Variants in ENTREP2 observed in about 807,000 individuals in gnomAD.
The protein encoded by ENTREP2 is protein ENTREP2.
At chr15:29,630,461 T>G in the ENTREP2 span, among the ~76,000 whole-genome samples, 2 of 152,228 alleles carry the variant, frequency 1.3e-5, no homozygotes, top group Non-Finnish European at 2.9e-5. Flanking sequence ...ATGTGGATTC[T>G]TTTGGTTTTA....
At chr15:29,124,055 G>C in the ENTREP2 span, among the ~76,000 whole-genome samples, 1 of 152,040 alleles carries the variant, frequency 6.6e-6, no homozygotes, top group African/African-American at 2.4e-5. Context: ...CTTAAGACCA[G>C]AACTGGGGGT....
At chr15:29,434,837 A>G in the ENTREP2 span, among the ~76,000 whole-genome samples, 1 of 152,184 alleles carries the variant, frequency 6.6e-6, no homozygotes, top group Admixed American at 6.5e-5. Context: ...GTTAAAAACT[A>G]ACATTTCAAA....
At chr15:29,346,750 T>C in the ENTREP2 span, among the ~76,000 whole-genome samples, 5 of 152,188 alleles carry the variant, frequency 3.3e-5, no homozygotes, top group African/African-American at 1.2e-4. Flanking sequence ...CATTATTTAG[T>C]GAGTTTTCTT....
the ENTREP2 span, among the ~76,000 whole-genome samples, chr15:29,631,320 C>A: frequency 6.6e-6 from 1 of 152,146 alleles, no homozygotes; most frequent in Admixed American, 6.5e-5. Flanking sequence ...GCATGACAAG[C>A]GGTCTTTGAT....
the ENTREP2 span, among the ~76,000 whole-genome samples, chr15:29,327,228 A>C: frequency 6.6e-6 from 1 of 152,212 alleles, no homozygotes; most frequent in South Asian, 2.1e-4. Context: ...CATATCTGAT[A>C]AAGAATTTGT....
At chr15:29,284,998 A>T in the ENTREP2 span, among the ~76,000 whole-genome samples, 1 of 152,226 alleles carries the variant, frequency 6.6e-6, no homozygotes, top group East Asian at 1.9e-4. Flanking sequence ...AGGAATAAGG[A>T]GAAGACAAGG....
chr15:29,227,631 C>A, the ENTREP2 span, among the ~76,000 whole-genome samples: 2 of 152,118 alleles, frequency 1.3e-5, no homozygotes, highest in African/African-American at 4.8e-5. Flanking sequence ...CTGCTTCCCC[C>A]ACACCCAGCC....
At chr15:29,160,132 C>T in the ENTREP2 span, among the ~76,000 whole-genome samples, 3 of 152,216 alleles carry the variant, frequency 2.0e-5, no homozygotes, top group Non-Finnish European at 4.4e-5. Context: ...GTGCTAAGCC[C>T]CTCACTGCTC....
the ENTREP2 span, among the ~76,000 whole-genome samples, chr15:29,125,315 G>A: frequency 6.6e-6 from 1 of 152,208 alleles, no homozygotes; most frequent in Non-Finnish European, 1.5e-5. Flanking sequence ...TGTTTCAGAA[G>A]GTTTGACGGG....
the ENTREP2 span, among the ~76,000 whole-genome samples, chr15:29,224,378 G>C: frequency 2.0e-5 from 3 of 152,144 alleles, no homozygotes; most frequent in South Asian, 2.1e-4. Flanking sequence ...TTCCACACTT[G>C]TGGAAGGGAA....
At chr15:29,629,687 A>G in the ENTREP2 span, among the ~76,000 whole-genome samples, 33 of 152,220 alleles carry the variant, frequency 2.2e-4, no homozygotes, top group Non-Finnish European at 3.8e-4. Flanking sequence ...ATATAATTGC[A>G]TAAGGAGAAG....
chr15:29,436,945 C>T, the ENTREP2 span, among the ~76,000 whole-genome samples: 1 of 152,238 alleles, frequency 6.6e-6, no homozygotes, highest in Non-Finnish European at 1.5e-5. Flanking sequence ...TGACCCCTAA[C>T]CTCCTGTCCA....
chr15:29,258,762 C>A, the ENTREP2 span, among the ~76,000 whole-genome samples: 3 of 152,176 alleles, frequency 2.0e-5, no homozygotes, highest in African/African-American at 7.2e-5. Flanking sequence ...TAGCCCCTAG[C>A]AATCACCACC....
chr15:29,441,491 T>C, the ENTREP2 span, among the ~76,000 whole-genome samples: 1 of 152,202 alleles, frequency 6.6e-6, no homozygotes, highest in Non-Finnish European at 1.5e-5. Context: ...AACCAACTTC[T>C]ACAGCATTAA....
chr15:29,308,271 C>T, the ENTREP2 span, among the ~76,000 whole-genome samples: 1 of 152,088 alleles, frequency 6.6e-6, no homozygotes, highest in Non-Finnish European at 1.5e-5. Flanking sequence ...AGCTAATCAG[C>T]AGGCTGAGGC....
chr15:29,211,661 G>C, the ENTREP2 span, among the ~76,000 whole-genome samples: 7 of 152,128 alleles, frequency 4.6e-5, no homozygotes, highest in African/African-American at 1.2e-4. Context: ...TTTGTATCCC[G>C]ATTTTGCCGA....
At chr15:29,268,929 GC>G in the ENTREP2 span, 1 of 1,614,174 alleles carries the variant, frequency 6.2e-7, no homozygotes, top group Non-Finnish European at 8.5e-7. Flanking sequence ...CTTTCATCTT[GC>G]TGGTTTCCAG....
the ENTREP2 span, among the ~76,000 whole-genome samples, chr15:29,657,448 G>C: frequency 1.5e-5 from 2 of 137,874 alleles, no homozygotes; most frequent in East Asian, 2.3e-4. Flanking sequence ...ACACAGAAGT[G>C]GACCCCTGCG....
At chr15:29,135,811 T>C in the ENTREP2 span, among the ~76,000 whole-genome samples, 1 of 152,154 alleles carries the variant, frequency 6.6e-6, no homozygotes, top group African/African-American at 2.4e-5. This position sits in a 1 kb window ranked among gnomAD's most constrained non-coding sequence, Gnocchi z 7.4. Context: ...TGAAGCTTCT[T>C]GGCCTCAGAC....
Sources: gnomAD v4.1 joint callset for allele counts (sites outside exome capture counted in the v4.1 genomes callset) on GRCh38, gnomAD v4.1.1 for gene constraint, Gnocchi (gnomAD v3.1) non-coding constraint, MANE v1.5 for transcripts, NCBI Gene and HGNC (gene_info 2026-07-23, HGNC 2026-07-21) for gene names.